The following FYTTD1 variants were observed in gnomAD, a reference collection of about 807,000 sequenced individuals.
FYTTD1 encodes the protein forty-two-three domain containing 1.
Under a neutral mutation model 40.9 loss-of-function variants are expected in FYTTD1, and 22 were observed. The ratio of observed to expected loss-of-function variants is 0.54; its 90% CI spans 0.38 to 0.77. The LOEUF (loss-of-function observed/expected upper bound fraction) is 0.77, where lower values mean the gene tolerates loss of function less well. FYTTD1 is among the 30% of genes least tolerant of loss of function. The pLI is 0.00. For missense variants in FYTTD1, 351 were observed against 392.2 expected (o/e 0.90, Z 0.89); for synonymous variants, 140 against 137.9 (o/e 1.01, Z -0.10).
upstream of FYTTD1, chr3:197,749,581 G>A (rs1304552153): frequency 2.3e-6 from 3 of 1,278,158 alleles, no homozygotes; most frequent in Admixed American, 4.6e-5. Flanking sequence ...GAAGTATAGG[G>A]GACCTGTCTG....
chr3:197,749,770 G>A (rs1306725190), upstream of FYTTD1: 2 of 562,756 alleles, frequency 3.6e-6, no homozygotes, highest in South Asian at 1.9e-5. Flanking sequence ...AGGGCCGCTA[G>A]GAGCGAGTCA....
chr3:197,777,085 A>G, intron 7 of FYTTD1, 84 bp downstream of exon 7: 1 of 813,282 alleles, frequency 1.2e-6, no homozygotes, highest in South Asian at 1.6e-5. Context: ...TGCTCAGAGA[A>G]TGATGTCCAA....
At position 197,753,755 on chromosome 3, in the gene FYTTD1, T is replaced by G. The variant is rs895366257; in HGVS notation, c.104-2671T>G. On this transcript the variant is annotated intron_variant, in intron 1 of 8. Coordinates refer to ENST00000241502, the MANE Select transcript of FYTTD1 (RefSeq NM_032288.7). ...TAGACTTTATATGCTGTATTTTATT[T>G]TATTTATTTATTTATTTTGAGACGG... 1.3e-4 allele frequency among the ~76,000 whole-genome samples: 20 copies of G among 152,116 alleles called. 3 individuals carry two copies. Among genetic ancestry groups the G allele is most frequent in the Admixed American group, 1.0e-3 (16 of 15,266 alleles).
chr3:197,760,919 T>C (rs987976323), intron 2 of FYTTD1, among the ~76,000 whole-genome samples: 8 of 145,424 alleles, frequency 5.5e-5, no homozygotes, highest in South Asian at 2.1e-4. Flanking sequence ...GTAGAACTTA[T>C]GGAGTGTTCT....
rs1017092857 is a variant in FYTTD1 at position 197,750,493 on chromosome 3, A to T, written c.103+419A>T. ...GGGAGCGAGGGGAATGGTCCGACCG[A>T]GCCGTTCTCTCTGAAGAAAGGTCTT... On this transcript the variant is annotated intron_variant, in intron 1 of 8. Transcript: ENST00000241502. 3 of 987,854 alleles carry T rather than the reference A, an allele frequency of 3.0e-6. No individual in the cohort carries two copies. In the Admixed American group the frequency reaches 1.8e-4, roughly 60 times the overall value. The allele number at this position is 987,854 out of a possible 1,614,324, so 61.2% of individuals were successfully genotyped here.
chr3:197,759,849 C>T lies in FYTTD1; in HGVS notation c.235+3292C>T, dbSNP rs536471323. Among the ~76,000 whole-genome samples the T allele has an allele frequency of 2.0e-5, 3 of 150,910 alleles. No homozygotes were observed. The South Asian group carries it at 6.3e-4, about 32-fold the overall frequency. ...TCAGTGGTAGAACGTATAGAGTGTT[C>T]TTCAGTGGTAGAACGAATAGGGTGT... On this transcript the variant is annotated intron_variant, in intron 2 of 8. Transcript: ENST00000241502.
chr3:197,751,938 C>T (rs1194231268), intron 1 of FYTTD1, among the ~76,000 whole-genome samples: 4 of 151,068 alleles, frequency 2.6e-5, no homozygotes, highest in Non-Finnish European at 5.9e-5. Flanking sequence ...GTGGTGTGAT[C>T]TCGGGTCGCT....
Position 197,757,474 on chromosome 3 carries a change from T to G in FYTTD1, c.235+917T>G, listed in dbSNP as rs936601867. On this transcript the variant is annotated intron_variant, in intron 2 of 8. Transcript: ENST00000241502. ...ATTAGTTCTGTGTTTACAGCTAATA[T>G]CCCATTATATCCTCAAAATATGTAT... Among the ~76,000 whole-genome samples the G allele has an allele frequency of 7.2e-5, 11 of 152,340 alleles. No homozygotes were observed. In the East Asian group the frequency reaches 1.7e-3, roughly 24 times the overall value.
chr3:197,757,343 A>C (rs1272853323), intron 2 of FYTTD1, among the ~76,000 whole-genome samples: 1 of 152,262 alleles, frequency 6.6e-6, no homozygotes, highest in Non-Finnish European at 1.5e-5. Flanking sequence ...AAAAGAACTA[A>C]ATCTTTTTCA....
At chr3:197,770,729 T>A (rs991024824) in intron 4 of FYTTD1, among the ~76,000 whole-genome samples, 9 of 151,776 alleles carry the variant, frequency 5.9e-5, no homozygotes, top group African/African-American at 7.3e-5. Flanking sequence ...TTTTTTTTTT[T>A]AATAGAGACA....
chr3:197,763,135 C>T (rs897996469), intron 2 of FYTTD1, among the ~76,000 whole-genome samples: 9 of 151,806 alleles, frequency 5.9e-5, no homozygotes, highest in South Asian at 2.1e-4. Flanking sequence ...TTATTTTGGC[C>T]GGGCGTGGTG....
At chr3:197,780,604 A>G (rs1016592886) in intron 8 of FYTTD1, among the ~76,000 whole-genome samples, 3 of 151,462 alleles carry the variant, frequency 2.0e-5, no homozygotes, top group African/African-American at 7.3e-5. Context: ...GTGCAGTGGC[A>G]TGATCTTGGC....
At chr3:197,772,488 A>G (rs1331833505) in intron 4 of FYTTD1, among the ~76,000 whole-genome samples, 2 of 152,252 alleles carry the variant, frequency 1.3e-5, no homozygotes, top group African/African-American at 4.8e-5. Context: ...ATAGCTACAT[A>G]AGAAACTTGC....
rs551934237 is a variant in FYTTD1, at chr3:197,778,028, G to A, written c.732-310G>A. Reference sequence around the variant, plus strand: ...TGCCTAGCCCTCCAGCCATCTTAATGATTGAAATGAAAAGCATGTAGGATG... The same window carrying A: ...TGCCTAGCCCTCCAGCCATCTTAATAATTGAAATGAAAAGCATGTAGGATG... On this transcript the variant is annotated intron_variant, in intron 7 of 8. Coordinates refer to ENST00000241502, the MANE Select transcript of FYTTD1 (RefSeq NM_032288.7). 2.0e-4 allele frequency among the ~76,000 whole-genome samples: 30 copies of A among 152,304 alleles called. No individual in the cohort carries two copies. The South Asian group carries it at 6.2e-3, about 32-fold the overall frequency.
rs765474784 is a variant in FYTTD1 at position 197,769,955 on chromosome 3, T to C, written c.385-177T>C. Among the ~76,000 whole-genome samples the C allele has an allele frequency of 2.5e-4, 38 of 152,272 alleles. 1 individual carries two copies. Among genetic ancestry groups the C allele is most frequent in the Non-Finnish European group, 4.1e-4 (28 of 68,020 alleles). On this transcript the variant is annotated intron_variant, in intron 3 of 8. Transcript: ENST00000241502. ...CACATATTTTAAATATAATGTGGGG[T>C]TTTCATCTTTTCAGTCATGTAGACT...
intron 4 of FYTTD1, among the ~76,000 whole-genome samples, chr3:197,770,617 C>T (rs113977461): frequency 5.9e-5 from 9 of 152,252 alleles, no homozygotes; most frequent in African/African-American, 2.2e-4. Flanking sequence ...GCCATCACTG[C>T]TCCCTGGAGC....
In FYTTD1 at chr3:197,779,773, C is replaced by T. The variant is rs188989467; in HGVS notation, c.858+1309C>T. Among the ~76,000 whole-genome samples, 5 of 148,104 alleles carry T rather than the reference C, an allele frequency of 3.4e-5. No homozygotes were observed. In the East Asian group the frequency reaches 1.0e-3, roughly 30 times the overall value. ...CACCTGGGGATACAGGCACACACCACCACACCTGGGGATACAGGCAAACAC... is the reference window on the plus strand; with the variant it reads ...CACCTGGGGATACAGGCACACACCATCACACCTGGGGATACAGGCAAACAC... On this transcript the variant is annotated intron_variant, in intron 8 of 8. Coordinates refer to ENST00000241502, the MANE Select transcript of FYTTD1 (RefSeq NM_032288.7).
intron 6 of FYTTD1, among the ~76,000 whole-genome samples, chr3:197,774,770 G>C (rs899415328): frequency 6.6e-6 from 1 of 150,520 alleles, no homozygotes; most frequent in South Asian, 2.1e-4. Context: ...AGCATAGCTC[G>C]ATGGCCAGTG....
chr3:197,760,058 A>G (rs1225058075), intron 2 of FYTTD1, among the ~76,000 whole-genome samples: 4 of 151,416 alleles, frequency 2.6e-5, no homozygotes, highest in African/African-American at 4.9e-5. Flanking sequence ...TAGAACGTAT[A>G]GAGTTGTTCT....
Sources: allele counts gnomAD v4.1 joint callset (sites outside exome capture counted in the v4.1 genomes callset), GRCh38; gene constraint gnomAD v4.1.1; transcripts MANE v1.5; gene names NCBI Gene and HGNC (gene_info 2026-07-23, HGNC 2026-07-21).